Variants in NUP133 observed in about 807,000 individuals in gnomAD.
The protein encoded by NUP133 is nuclear pore complex protein Nup133.
Under a neutral mutation model 146.2 loss-of-function variants are expected in NUP133, and 66 were observed. That is an observed-to-expected ratio of 0.45 (90% CI 0.37 to 0.55). The LOEUF is 0.55. Ranked by LOEUF, NUP133 falls within the 20% of genes least tolerant of loss-of-function variation. NUP133 has a pLI of 0.00. For missense variants in NUP133, 1,277 were observed against 1,374.8 expected (o/e 0.93, Z 1.12); for synonymous variants, 521 against 498.8 (o/e 1.04, Z -0.59).
chr1:229,460,029 C>G (rs1388305223), intron 20 of NUP133, among the ~76,000 whole-genome samples: 1 of 152,132 alleles, frequency 6.6e-6, no homozygotes, highest in Non-Finnish European at 1.5e-5. Context: ...CACTTGTTAC[C>G]TTCACCTTTT....
In NUP133 at chr1:229,470,804, C is replaced by A. The variant is rs1660938651; in HGVS notation, c.1852G>T (p.Val618Phe). ...HSFLMDFIHQ[V>F]GLFGRLGSFP... ...CTGCCTAGACGTCCAAATAAGCCAA[C>A]CTTGCAAAAAGGCAAACACATATTC... Residue 618 changes from valine (V) to phenylalanine (F), a missense_variant and splice_region_variant, in exon 15 of 26, where the codon GTT (valine) becomes TTT (phenylalanine). Transcript: ENST00000261396. 1 of 1,612,622 alleles carries A rather than the reference C, an allele frequency of 6.2e-7. No homozygotes were observed. Among genetic ancestry groups the A allele is most frequent in the South Asian group, 1.1e-5 (1 of 90,960 alleles).
chr1:229,464,414 T>C (rs1348381090), intron 18 of NUP133, among the ~76,000 whole-genome samples: 2 of 152,238 alleles, frequency 1.3e-5, no homozygotes, highest in African/African-American at 2.4e-5. Context: ...TATGTATTTA[T>C]TAATTGTCTT....
chr1:229,487,491 C>G lies in NUP133; in HGVS notation c.1317G>C (p.Gln439His). The G allele has an allele frequency of 6.2e-7, 1 of 1,613,486 alleles. No individual in the cohort carries two copies. The highest frequency in any genetic ancestry group is 8.5e-7 in the Non-Finnish European group (1 of 1,179,874). The change falls in exon 10 of 26, where the codon CAG (glutamine) becomes CAC (histidine). Residue 439 changes from glutamine to histidine, a missense_variant. Coordinates refer to ENST00000261396, the MANE Select transcript of NUP133 (RefSeq NM_018230.3). ...STGTGKFSLPQEKIVFNAQGD... is the reference protein window; with the variant it reads ...STGTGKFSLPHEKIVFNAQGD... ...CTTGTGCATTAAAGACAATTTTCTC[C>G]TGGGGAAGAGAAAATTTCCCAGTTC...
rs372362492 is a variant in NUP133, at chr1:229,472,707, CAT to C, written c.1852-1905_1852-1904del. The stretch of plus-strand genomic sequence containing the variant: ...CAAAAAAATTAAAAAACTAAATATA[CAT>C]ATATATATATATATATATGTACAAT... On this transcript the variant is annotated intron_variant, in intron 14 of 25. Coordinates refer to ENST00000261396, the MANE Select transcript of NUP133 (RefSeq NM_018230.3). 7.0e-3 allele frequency among the ~76,000 whole-genome samples: 866 copies of C among 124,080 alleles called. 26 individuals are homozygous for C. Among genetic ancestry groups the C allele is most frequent in the South Asian group, 0.018 (71 of 3,960 alleles). 81.4% of individuals were successfully genotyped at this position (124,080 alleles called of 152,430 possible).
rs1468285686 is a variant in NUP133, at chr1:229,495,941, C to T, written c.926G>A (p.Ser309Asn). The T allele has an allele frequency of 1.9e-6, 3 of 1,610,910 alleles. No homozygotes were observed. Among genetic ancestry groups the T allele is most frequent in the East Asian group, 2.2e-5 (1 of 44,762 alleles). Residue 309 changes from serine to asparagine, a missense_variant, in exon 7 of 26, where the codon AGT becomes AAT. Around this residue, in one of 3 missense-constraint regions of NUP133, gnomAD observed 952 missense variants for 1,047.0 expected, o/e 0.91. Transcript: ENST00000261396. ...LDDSSEKHAY[S>N]WDINRALKEN... ...CTTCAGGGCTCTATTTATATCCCAA[C>T]TGTATGCATGCTTTTCTGAAGAATC... is the stretch of plus-strand genomic sequence containing the variant.
intron 15 of NUP133, 123 bp from the exon 16 acceptor site, chr1:229,466,879 G>A: frequency 1.5e-6 from 1 of 685,092 alleles, no homozygotes; most frequent in Non-Finnish European, 2.2e-6. Flanking sequence ...AAATTTATTG[G>A]CAGTTGATGG....
chr1:229,460,658 C>G lies in NUP133; in HGVS notation c.2797G>C (p.Glu933Gln). 6.2e-7 allele frequency: 1 copy of G among 1,614,094 alleles called. No individual in the cohort carries two copies. Among genetic ancestry groups the G allele is most frequent in the East Asian group, 2.2e-5 (1 of 44,870 alleles). The change falls in exon 20 of 26, where the codon GAA becomes CAA. Residue 933 changes from glutamate (E) to glutamine (Q), a missense_variant. By Grantham distance (29) the Glu-to-Gln change is conservative. Around this residue, in one of 3 missense-constraint regions of NUP133, gnomAD observed 952 missense variants for 1,047.0 expected, o/e 0.91. Transcript: ENST00000261396. ...GQLANFLQAH[E>Q]HLSWLHEINS... ...ATTTCATGTAACCAGCTGAGATGTT[C>G]ATGAGCTTGCAAAAAATTTGCCAAC...
chr1:229,471,686 C>A (rs1660959639), intron 14 of NUP133, among the ~76,000 whole-genome samples: 2 of 152,146 alleles, frequency 1.3e-5, no homozygotes, highest in South Asian at 4.1e-4. Context: ...AAAAGACAGG[C>A]ATAAATAATG....
At chr1:229,476,480 G>GT (rs1339636736) in intron 13 of NUP133, among the ~76,000 whole-genome samples, 13 of 152,298 alleles carry the variant, frequency 8.5e-5, no homozygotes, top group African/African-American at 3.1e-4. Context: ...TGAGGTGGAA[G>GT]TAAGAGTAAG....
chr1:229,490,889 T>C (rs1661496449), intron 8 of NUP133, among the ~76,000 whole-genome samples: 1 of 151,164 alleles, frequency 6.6e-6, no homozygotes, highest in South Asian at 2.1e-4. Context: ...AGGTGGAGGT[T>C]GCAGTGAGCT....
At chr1:229,472,089 G>C (rs1660968992) in intron 14 of NUP133, among the ~76,000 whole-genome samples, 1 of 152,110 alleles carries the variant, frequency 6.6e-6, no homozygotes, top group African/African-American at 2.4e-5. Flanking sequence ...GGAGGCCGAG[G>C]CGGGCGGATC....
In NUP133 at chr1:229,446,569, A is replaced by G. The variant is rs114675134; in HGVS notation, c.3246-1567T>C. 8.9e-3 allele frequency among the ~76,000 whole-genome samples: 1,346 copies of G among 151,540 alleles called. 18 individuals carry two copies. Among genetic ancestry groups the G allele is most frequent in the African/African-American group, 0.031 (1,272 of 41,260 alleles). ...AAAGTGAAACCCCATCTCTACTAAA[A>G]ATACATTAAAAAAAATTAGCTGGGT... On this transcript the variant is annotated intron_variant, in intron 24 of 25. Coordinates refer to ENST00000261396, the MANE Select transcript of NUP133 (RefSeq NM_018230.3).
At chr1:229,482,903 T>C (rs1661253415) in intron 12 of NUP133, among the ~76,000 whole-genome samples, 1 of 152,170 alleles carries the variant, frequency 6.6e-6, no homozygotes, top group Non-Finnish European at 1.5e-5. Flanking sequence ...GGCCAGCCTA[T>C]GGCCCAGAAA....
intron 24 of NUP133, among the ~76,000 whole-genome samples, chr1:229,448,485 A>C (rs779895132): frequency 3.9e-5 from 6 of 152,138 alleles, no homozygotes; most frequent in Non-Finnish European, 7.4e-5. Context: ...AGTTCTGGGA[A>C]CGTCTCATGC....
At position 229,466,788 on chromosome 1, in the gene NUP133, A is replaced by T. The variant is rs137969235; in HGVS notation, c.2077-32T>A. ...GAATACACAGAAGTAAACTACTTACAACAAAAATTATGGTGATGGGTAACA... is the reference window on the plus strand; with the variant it reads ...GAATACACAGAAGTAAACTACTTACTACAAAAATTATGGTGATGGGTAACA... On this transcript the variant is annotated intron_variant, in intron 15 of 25. Coordinates refer to ENST00000261396, the MANE Select transcript of NUP133 (RefSeq NM_018230.3). 169 of 1,611,300 alleles carry T rather than the reference A, an allele frequency of 1.0e-4. No individual in the cohort carries two copies. Among genetic ancestry groups the T allele is most frequent in the Non-Finnish European group, 1.4e-4 (165 of 1,178,236 alleles).
rs1389789509 is a variant in NUP133 at position 229,486,477 on chromosome 1, G to GA, written c.1393dup (p.Ser465PhefsTer2). The GA allele has an allele frequency of 6.2e-7, 1 of 1,608,820 alleles. No homozygotes were observed. The highest frequency in any genetic ancestry group is 1.3e-5 in the African/African-American group (1 of 74,202). On this transcript the variant is annotated frameshift_variant, in exon 11 of 26. Coordinates refer to ENST00000261396, the MANE Select transcript of NUP133 (RefSeq NM_018230.3). LOFTEE classifies it high-confidence loss of function. ...AATAGACACCAGTCCACTGTTTCTA[G>GA]AAAAAATGATAGGAACACCACCACA...
intron 9 of NUP133, among the ~76,000 whole-genome samples, chr1:229,487,838 ATTTTTTTT>A (rs10565327): frequency 2.5e-5 from 3 of 118,154 alleles, no homozygotes; most frequent in Non-Finnish European, 5.1e-5. Context: ...TGCTTTTTTA[ATTTTTTTT>A]TTTTTTTTTT....
At chr1:229,475,065 A>G (rs934723483) in intron 14 of NUP133, among the ~76,000 whole-genome samples, 3 of 152,052 alleles carry the variant, frequency 2.0e-5, no homozygotes, top group African/African-American at 7.2e-5. Flanking sequence ...CTGTGCCACT[A>G]CACTCCAGAC....
intron 15 of NUP133, among the ~76,000 whole-genome samples, chr1:229,467,979 A>G (rs958696412): frequency 1.3e-5 from 2 of 152,120 alleles, no homozygotes; most frequent in Non-Finnish European, 1.5e-5. Flanking sequence ...ATAACATAAA[A>G]GCACATAAAA....
Sources: gnomAD v4.1 joint callset for allele counts (sites outside exome capture counted in the v4.1 genomes callset) on GRCh38, gnomAD v4.1.1 for gene constraint, gnomAD v4.1.1 regional missense constraint, MANE v1.5 for transcripts, NCBI Gene and HGNC (gene_info 2026-07-23, HGNC 2026-07-21) for gene names.